Variants in DCLK2 observed in about 807,000 individuals in gnomAD.
DCLK2 encodes serine/threonine-protein kinase DCLK2.
In DCLK2, 31 loss-of-function variants were observed where a neutral mutation model predicts 78.4. The ratio of observed to expected loss-of-function variants is 0.40; its 90% CI spans 0.30 to 0.53. DCLK2 has a LOEUF of 0.53. DCLK2 is among the 20% of genes least tolerant of loss of function. The probability of loss-of-function intolerance (pLI) is 0.61; values close to 1 mark genes in which losing one functional copy is unlikely to be tolerated. For synonymous variants in DCLK2, 407 were observed against 374.9 expected (o/e 1.09, Z -0.99); for missense variants, 872 against 973.7 (o/e 0.90, Z 1.39).
At chr4:150,243,942 T>A (rs141413872) in intron 12 of DCLK2, among the ~76,000 whole-genome samples, 10 of 151,646 alleles carry the variant, frequency 6.6e-5, no homozygotes, top group South Asian at 2.1e-4. Flanking sequence ...TTAATTTTTT[T>A]AATTTATTTT....
intron 12 of DCLK2, among the ~76,000 whole-genome samples, chr4:150,246,052 T>A (rs1743283145): frequency 6.6e-6 from 1 of 151,994 alleles, no homozygotes; most frequent in Non-Finnish European, 1.5e-5. Flanking sequence ...CTACTCTTTT[T>A]TTTTTTTTTT....
At chr4:150,165,388 AGGGTT>A (rs1223962480) in intron 2 of DCLK2, among the ~76,000 whole-genome samples, 1 of 151,484 alleles carries the variant, frequency 6.6e-6, no homozygotes, top group Non-Finnish European at 1.5e-5. Flanking sequence ...TGGGTTGCCC[AGGGTT>A]GAGTTTTTTT....
In DCLK2 at chr4:150,175,011, A is replaced by AAAAAATATATATATATAT. The variant is rs1454035697; in HGVS notation, c.757-18126_757-18125insAAAATATATATATATATA. Among the ~76,000 whole-genome samples the AAAAAATATATATATATAT allele has an allele frequency of 1.2e-3, 12 of 9,976 alleles. 3 individuals carry two copies. The highest frequency in any genetic ancestry group is 3.0e-3 in the East Asian group (2 of 660). 6.5% of individuals were successfully genotyped at this position (9,976 alleles called of 152,430 possible). On this transcript the variant is annotated intron_variant, in intron 2 of 15. Transcript: ENST00000296550. ...AGACTCCGTCGCAAAAAAAAAAAAAAATATATATATATATATATATATTTA... is the reference window on the plus strand; with the variant it reads ...AGACTCCGTCGCAAAAAAAAAAAAAAAAAAATATATATATATATATATATATATATATATATATATTTA...
At chr4:150,240,775 A>G (rs565409824) in intron 12 of DCLK2, among the ~76,000 whole-genome samples, 30 of 151,306 alleles carry the variant, frequency 2.0e-4, no homozygotes, top group African/African-American at 7.3e-4. Context: ...AAAAGAAAAA[A>G]AAAAATCAGA....
At chr4:150,163,137 C>T (rs1735825097) in intron 2 of DCLK2, among the ~76,000 whole-genome samples, 1 of 152,128 alleles carries the variant, frequency 6.6e-6, no homozygotes, top group African/African-American at 2.4e-5. Context: ...GTGGCTCACG[C>T]CTGTAATTCC....
intron 2 of DCLK2, among the ~76,000 whole-genome samples, chr4:150,154,899 T>G (rs1373425815): frequency 6.6e-6 from 1 of 152,230 alleles, no homozygotes. Flanking sequence ...CTGATTTTTA[T>G]AAGCAATACA....
At chr4:150,103,786 G>A (rs1731043446) in intron 2 of DCLK2, among the ~76,000 whole-genome samples, 1 of 152,082 alleles carries the variant, frequency 6.6e-6, no homozygotes, top group Non-Finnish European at 1.5e-5. Context: ...TGAAACATTA[G>A]CAATTTTTTA....
chr4:150,086,403 G>A (rs1363991844), intron 1 of DCLK2, among the ~76,000 whole-genome samples: 1 of 152,060 alleles, frequency 6.6e-6, no homozygotes, highest in Non-Finnish European at 1.5e-5. Flanking sequence ...AAATGATGCA[G>A]TATATTTATG....
chr4:150,225,405 T>A (rs1741528507), intron 8 of DCLK2, among the ~76,000 whole-genome samples: 1 of 152,244 alleles, frequency 6.6e-6, no homozygotes, highest in African/African-American at 2.4e-5. Flanking sequence ...CTGCAGTTAC[T>A]GATACTTTAA....
At chr4:150,215,727 A>G (rs1394051252) in intron 5 of DCLK2, among the ~76,000 whole-genome samples, 2 of 152,212 alleles carry the variant, frequency 1.3e-5, no homozygotes, top group Non-Finnish European at 2.9e-5. Flanking sequence ...CTGTAGAAAT[A>G]TGACTGGACA....
At chr4:150,178,166 C>A (rs1447208907) in intron 2 of DCLK2, among the ~76,000 whole-genome samples, 1 of 152,146 alleles carries the variant, frequency 6.6e-6, no homozygotes, top group Non-Finnish European at 1.5e-5. Context: ...CAGTCATAAC[C>A]TTTCTATGGG....
At chr4:150,139,680 C>T (rs1733973126) in intron 2 of DCLK2, among the ~76,000 whole-genome samples, 1 of 152,178 alleles carries the variant, frequency 6.6e-6, no homozygotes, top group African/African-American at 2.4e-5. Flanking sequence ...TGCTGTGGTT[C>T]TCCTTCCAAA....
chr4:150,084,532 G>A (rs939528963), intron 1 of DCLK2, among the ~76,000 whole-genome samples: 1 of 152,122 alleles, frequency 6.6e-6, no homozygotes, highest in Non-Finnish European at 1.5e-5. Context: ...AGCTGCATAA[G>A]AAGCTCTTTC....
intron 2 of DCLK2, among the ~76,000 whole-genome samples, chr4:150,180,892 C>G (rs1737462191): frequency 6.6e-6 from 1 of 152,202 alleles, no homozygotes; most frequent in African/African-American, 2.4e-5. Flanking sequence ...AATTATCTGA[C>G]CTACCTTGTG....
chr4:150,145,773 T>C (rs750978880), intron 2 of DCLK2, among the ~76,000 whole-genome samples: 32 of 152,216 alleles, frequency 2.1e-4, no homozygotes, highest in Non-Finnish European at 3.8e-4. Flanking sequence ...AACTACTATG[T>C]GCTTAGAGTT....
rs1409242679 is a variant in DCLK2, at chr4:150,256,419, G to C, written c.*172G>C. On this transcript the variant is annotated 3_prime_UTR_variant, in exon 16 of 16. Transcript: ENST00000296550. ...AGCCTGGCGTGCCGGAGCCTGGCCT[G>C]GTGCTCTGGGCTCTGCCTTCTGGTT... 1.2e-6 allele frequency: 1 copy of C among 856,794 alleles called. No homozygotes were observed. The highest frequency in any genetic ancestry group is 3.0e-5 in the Admixed American group (1 of 32,934). 53.1% of individuals were successfully genotyped at this position (856,794 alleles called of 1,614,324 possible). A position where few individuals can be genotyped will look rare whatever the true frequency, so the allele number is the denominator to read the frequency against.
In DCLK2 at chr4:150,078,940, G is replaced by C. The variant is rs909102444; in HGVS notation, c.-88G>C. On this transcript the variant is annotated 5_prime_UTR_variant, in exon 1 of 16. Coordinates refer to ENST00000296550, the MANE Select transcript of DCLK2 (RefSeq NM_001040260.4). ...AGCCAGGTGTCCCGGCGCGTTAAGGGCCCTCGCAGTCAGACGTCCCTGCAC... is the reference window on the plus strand; with the variant it reads ...AGCCAGGTGTCCCGGCGCGTTAAGGCCCCTCGCAGTCAGACGTCCCTGCAC... 40 of 1,406,276 alleles carry C rather than the reference G, an allele frequency of 2.8e-5. No homozygotes were observed. Among genetic ancestry groups the C allele is most frequent in the Non-Finnish European group, 5.6e-6 (6 of 1,073,144 alleles). 87.1% of individuals were successfully genotyped at this position (1,406,276 alleles called of 1,614,324 possible).
Position 150,256,327 on chromosome 4 carries a change from C to A in DCLK2, c.*80C>A. ...CTCGGCCTCGCCGGCCTCCCTGCTG[C>A]AGGCCTCCCTCTCTTCACCGCCTGC... On this transcript the variant is annotated 3_prime_UTR_variant, in exon 16 of 16. Transcript: ENST00000296550. 2 of 1,435,854 alleles carry A rather than the reference C, an allele frequency of 1.4e-6. No homozygotes were observed. The highest frequency in any genetic ancestry group is 1.8e-6 in the Non-Finnish European group (2 of 1,097,622). The allele number at this position is 1,435,854 out of a possible 1,614,324, so 88.9% of individuals were successfully genotyped here. A position where few individuals can be genotyped will look rare whatever the true frequency, so the allele number is the denominator to read the frequency against.
Position 150,214,564 on chromosome 4 carries a change from C to CAT in DCLK2, c.1057-6134_1057-6133dup, listed in dbSNP as rs377182717. Among the ~76,000 whole-genome samples the CAT allele has an allele frequency of 8.5e-5, 13 of 152,266 alleles. No homozygotes were observed. The East Asian group carries it at 1.4e-3, about 16-fold the overall frequency. Reference sequence around the variant, plus strand: ...TGGAACATATCCATGCTCATCTGTTCATATATGGCCGTTTTCATACTCCAG... The same window carrying CAT: ...TGGAACATATCCATGCTCATCTGTTCATATATATGGCCGTTTTCATACTCCAG... On this transcript the variant is annotated intron_variant, in intron 5 of 15. Transcript: ENST00000296550.
Sources: allele counts gnomAD v4.1 joint callset (sites outside exome capture counted in the v4.1 genomes callset), GRCh38; gene constraint gnomAD v4.1.1; transcripts MANE v1.5; gene names NCBI Gene and HGNC (gene_info 2026-07-23, HGNC 2026-07-21).